Variants in PKHD1 observed in about 807,000 individuals in gnomAD.
PKHD1 encodes PKHD1 ciliary IPT domain containing fibrocystin/polyductin.
Under a neutral mutation model 412.0 loss-of-function variants are expected in PKHD1, and 291 were observed. The ratio of observed to expected loss-of-function variants is 0.71; its 90% CI spans 0.64 to 0.78. The LOEUF is 0.78. PKHD1 is among the 30% of genes least tolerant of loss of function. The pLI, the probability that PKHD1 is intolerant of heterozygous loss-of-function variation, is 0.00. For synonymous variants in PKHD1, 1,777 were observed against 1,821.5 expected, an observed-to-expected ratio of 0.98 and a Z score of 0.62; for missense variants, 4,825 against 4,950.7, an observed-to-expected ratio of 0.97 and a Z score of 0.76.
At position 51,619,463 on chromosome 6, in the gene PKHD1, T is replaced by C; in HGVS notation, c.11843A>G (p.Asn3948Ser). The change falls in exon 67 of 67, where the codon AAT becomes AGT. Residue 3948 changes from asparagine to serine, a missense_variant. Coordinates refer to ENST00000371117, the MANE Select transcript of PKHD1 (RefSeq NM_138694.4). ...GCTAACTTTCCTTCTGGACACTCCA[T>C]TCATCAACTGGTGGGGGCACTGGTT... ...KVNQCPHQLMNGVSRRKVSRH... is the reference protein window; with the variant it reads ...KVNQCPHQLMSGVSRRKVSRH... 1 of 1,614,072 alleles carries C rather than the reference T, an allele frequency of 6.2e-7. No homozygotes were observed. Among genetic ancestry groups the C allele is most frequent in the South Asian group, 1.1e-5 (1 of 91,054 alleles).
intron 15 of PKHD1, among the ~76,000 whole-genome samples, chr6:52,059,249 TTTTC>T (rs1209106565): frequency 7.7e-6 from 1 of 129,072 alleles, no homozygotes; most frequent in Admixed American, 9.1e-5. Flanking sequence ...TTTTTTTTCT[TTTTC>T]TTTTTCTTTT....
chr6:51,893,009 T>C (rs912985073), intron 43 of PKHD1, among the ~76,000 whole-genome samples: 3 of 152,186 alleles, frequency 2.0e-5, no homozygotes, highest in African/African-American at 7.2e-5. Context: ...CCACCTTCTC[T>C]AGGTGTGTCT....
intron 36 of PKHD1, among the ~76,000 whole-genome samples, chr6:51,942,108 C>T (rs1788684556): frequency 6.6e-6 from 1 of 151,620 alleles, no homozygotes; most frequent in African/African-American, 2.4e-5. Flanking sequence ...TATAAGCTCA[C>T]AAAAGGAAAC....
intron 35 of PKHD1, among the ~76,000 whole-genome samples, chr6:51,978,423 C>A (rs1343903465): frequency 6.6e-6 from 1 of 152,066 alleles, no homozygotes; most frequent in African/African-American, 2.4e-5. Context: ...CTGTCAAAGC[C>A]AAGGAACTTG....
At chr6:51,930,154 G>C (rs1478605562) in intron 37 of PKHD1, among the ~76,000 whole-genome samples, 2 of 152,130 alleles carry the variant, frequency 1.3e-5, no homozygotes, top group Non-Finnish European at 2.9e-5. Context: ...ACCTGGATTG[G>C]CAGACAGAGT....
At chr6:51,823,537 T>C (rs1184728466) in intron 52 of PKHD1, among the ~76,000 whole-genome samples, 6 of 152,152 alleles carry the variant, frequency 3.9e-5, no homozygotes, top group Non-Finnish European at 2.9e-5. Context: ...TACCTGACTT[T>C]GGATCCCAAG....
Position 51,648,093 on chromosome 6 carries a change from G to A in PKHD1, c.11336C>T (p.Pro3779Leu), listed in dbSNP as rs1770359622. ...TGAAATTGTCCATGGCTCTGAAGGAGGTCCCAGGGACTCTACTCTTCGATT... is the reference window on the plus strand; with the variant it reads ...TGAAATTGTCCATGGCTCTGAAGGAAGTCCCAGGGACTCTACTCTTCGATT... ...EQNRRVESLG[P>L]PSEPWTISAS... The change falls in exon 63 of 67, where the codon CCT becomes CTT. Residue 3779 changes from proline (P) to leucine (L), a missense_variant. Transcript: ENST00000371117. 1 of 1,605,600 alleles carries A rather than the reference G, an allele frequency of 6.2e-7. No individual in the cohort carries two copies. Among genetic ancestry groups the A allele is most frequent in the Non-Finnish European group, 8.5e-7 (1 of 1,172,140 alleles).
chr6:52,084,069 C>A (rs1812413873), intron 2 of PKHD1, among the ~76,000 whole-genome samples: 1 of 152,162 alleles, frequency 6.6e-6, no homozygotes. Context: ...ATCCCTCCAT[C>A]TTTGAAGATG....
intron 34 of PKHD1, among the ~76,000 whole-genome samples, chr6:52,013,217 C>T (rs1355819421): frequency 6.6e-6 from 1 of 152,150 alleles, no homozygotes; most frequent in Admixed American, 6.5e-5. Context: ...CCTGACTCTT[C>T]GCTGGCAGAG....
At position 51,781,639 on chromosome 6, in the gene PKHD1, A is replaced by G. The variant is rs963773890; in HGVS notation, c.8441-5718T>C. Among the ~76,000 whole-genome samples the G allele has an allele frequency of 6.6e-5, 10 of 152,260 alleles. No homozygotes were observed. In the South Asian group the frequency reaches 1.9e-3, roughly 28 times the overall value. On this transcript the variant is annotated intron_variant, in intron 53 of 66. Coordinates refer to ENST00000371117, the MANE Select transcript of PKHD1 (RefSeq NM_138694.4). ...GTTAAATGATTTAGTCCATGCTAAT[A>G]GTATATGGCACAGTGTCTGTACATA...
chr6:51,906,114 A>G, intron 41 of PKHD1, 101 bp downstream of exon 41: 2 of 999,602 alleles, frequency 2.0e-6, no homozygotes, highest in Non-Finnish European at 3.1e-6. Context: ...CATAAAGCCA[A>G]TATTTTTATA....
intron 60 of PKHD1, among the ~76,000 whole-genome samples, chr6:51,692,146 T>G (rs1336956160): frequency 6.6e-6 from 1 of 152,070 alleles, no homozygotes; most frequent in African/African-American, 2.4e-5. Flanking sequence ...TCTCTCAACC[T>G]TCATTCTTCT....
At position 52,050,167 on chromosome 6, in the gene PKHD1, T is replaced by G. The variant is rs777183511; in HGVS notation, c.2269A>C (p.Ile757Leu). ...AAAGCCACTCCTTACCGTGCAGTGATGAGCGGGAGCTCCGTGCCACACCCC... is the reference window on the plus strand; with the variant it reads ...AAAGCCACTCCTTACCGTGCAGTGAGGAGCGGGAGCTCCGTGCCACACCCC... ...LAGCGTELPL[I>L]TARSVPTEGT... Residue 757 changes from isoleucine to leucine, a missense_variant, in exon 22 of 67, where the codon ATC becomes CTC. Ile to Leu is a conservative substitution (Grantham distance 5, BLOSUM62 2). Coordinates refer to ENST00000371117, the MANE Select transcript of PKHD1 (RefSeq NM_138694.4). 7 of 1,614,036 alleles carry G rather than the reference T, an allele frequency of 4.3e-6. No individual in the cohort carries two copies. The Admixed American group carries it at 6.7e-5, about 15-fold the overall frequency.
At chr6:51,822,713 T>C (rs978734627) in intron 52 of PKHD1, among the ~76,000 whole-genome samples, 4 of 152,180 alleles carry the variant, frequency 2.6e-5, no homozygotes, top group Non-Finnish European at 5.9e-5. Context: ...TATATGACTA[T>C]AATGGAATTT....
At position 51,659,982 on chromosome 6, in the gene PKHD1, A is replaced by G. The variant is rs1349550901; in HGVS notation, c.10157-13T>C. 6.6e-7 allele frequency: 1 copy of G among 1,524,380 alleles called. No individual in the cohort carries two copies. Among genetic ancestry groups the G allele is most frequent in the Non-Finnish European group, 9.1e-7 (1 of 1,100,218 alleles). The allele number at this position is 1,524,380 out of a possible 1,614,324, so 94.4% of individuals were successfully genotyped here. A position where few individuals can be genotyped will look rare whatever the true frequency, so the allele number is the denominator to read the frequency against. On this transcript the variant is annotated splice_polypyrimidine_tract_variant and intron_variant, in intron 60 of 66. Coordinates refer to ENST00000371117, the MANE Select transcript of PKHD1 (RefSeq NM_138694.4). Reference sequence around the variant, plus strand: ...TCTCTAAATGTACCTATAAAAGAAAAGAAGCAAAACAAGTGATATATGAAT... The same window carrying G: ...TCTCTAAATGTACCTATAAAAGAAAGGAAGCAAAACAAGTGATATATGAAT...
intron 46 of PKHD1, among the ~76,000 whole-genome samples, chr6:51,872,551 G>A (rs1020873029): frequency 2.9e-4 from 44 of 152,226 alleles, no homozygotes; most frequent in South Asian, 6.2e-4. Context: ...TGGGACTACA[G>A]GTGCTTGCCA....
Position 51,950,220 on chromosome 6 carries a change from A to AAAAATATATATATATATAT in PKHD1, c.5908+9649_5908+9650insATATATATATATATATTTT. On this transcript the variant is annotated intron_variant, in intron 36 of 66. Transcript: ENST00000371117. ...AATGGGCAATATAGAGAAAAAAAAAAATATATATATATATATATATGAAAT... is the reference window on the plus strand; with the variant it reads ...AATGGGCAATATAGAGAAAAAAAAAAAAAATATATATATATATATATATATATATATATATATATGAAAT... Among the ~76,000 whole-genome samples the AAAAATATATATATATATAT allele has an allele frequency of 5.7e-3, 562 of 98,116 alleles. 23 individuals carry two copies. Among genetic ancestry groups the AAAAATATATATATATATAT allele is most frequent in the Admixed American group, 0.051 (380 of 7,430 alleles). 64.4% of individuals were successfully genotyped at this position (98,116 alleles called of 152,430 possible).
At position 51,883,319 on chromosome 6, in the gene PKHD1, GA is replaced by G. The variant is rs1318114932; in HGVS notation, c.7216-93del. On this transcript the variant is annotated intron_variant, in intron 45 of 66. Transcript: ENST00000371117. ...TTTAAAATTATTGATTAAGTAGAAA[GA>G]AGCATGCTATATTGTATTAAAGCAC... The G allele has an allele frequency of 1.5e-5, 17 of 1,159,966 alleles. No homozygotes were observed. The African/African-American group carries it at 2.4e-4, about 17-fold the overall frequency. 71.9% of individuals were successfully genotyped at this position (1,159,966 alleles called of 1,614,324 possible). A position where few individuals can be genotyped will look rare whatever the true frequency, so the allele number is the denominator to read the frequency against.
At chr6:51,959,182 C>A (rs1791613445) in intron 36 of PKHD1, among the ~76,000 whole-genome samples, 1 of 152,124 alleles carries the variant, frequency 6.6e-6, no homozygotes, top group Non-Finnish European at 1.5e-5. Flanking sequence ...CTAATCATAT[C>A]TCCCATGTAA....
Sources: allele counts gnomAD v4.1 joint callset (sites outside exome capture counted in the v4.1 genomes callset), GRCh38; gene constraint gnomAD v4.1.1; transcripts MANE v1.5; gene names NCBI Gene and HGNC (gene_info 2026-07-23, HGNC 2026-07-21).